EFNA5: variants seen among roughly 807,000 people sequenced by gnomAD.
The protein encoded by EFNA5 is ephrin A5, also known as ephrin-A5.
Under a neutral mutation model 22.9 loss-of-function variants are expected in EFNA5, and 5 were observed. The ratio of observed to expected loss-of-function variants is 0.22; its 90% CI spans 0.11 to 0.46. The LOEUF (loss-of-function observed/expected upper bound fraction) is 0.46, where lower values mean the gene tolerates loss of function less well. Ranked by LOEUF, EFNA5 falls within the 20% of genes least tolerant of loss-of-function variation. EFNA5 has a pLI of 0.99. For missense variants in EFNA5, 237 were observed against 293.3 expected, an observed-to-expected ratio of 0.81 and a Z score of 1.40; for synonymous variants, 113 against 112.2, an observed-to-expected ratio of 1.01 and a Z score of -0.04.
chr5:107,502,134 C>G (rs144906088), intron 1 of EFNA5, among the ~76,000 whole-genome samples: 1 of 152,190 alleles, frequency 6.6e-6, no homozygotes, highest in Admixed American at 6.5e-5. Flanking sequence ...GAAACCAATC[C>G]TCTCAGTTCA....
At chr5:107,405,948 A>G (rs987758134) in intron 2 of EFNA5, among the ~76,000 whole-genome samples, 1 of 139,210 alleles carries the variant, frequency 7.2e-6, no homozygotes, top group African/African-American at 2.7e-5. Flanking sequence ...TACATATTCT[A>G]TGTATTTATA....
At chr5:107,599,996 G>T (rs1028789845) in intron 1 of EFNA5, among the ~76,000 whole-genome samples, 1 of 152,224 alleles carries the variant, frequency 6.6e-6, no homozygotes, top group East Asian at 1.9e-4. Flanking sequence ...CAGTAAAAAG[G>T]AATGTGAAGT....
chr5:107,410,419 G>A (rs1448674209), intron 2 of EFNA5, among the ~76,000 whole-genome samples: 4 of 152,066 alleles, frequency 2.6e-5, no homozygotes, highest in Non-Finnish European at 1.5e-5. Flanking sequence ...CAGATAGAAA[G>A]GACTAGATGA....
At chr5:107,448,078 G>A (rs1363881383) in intron 1 of EFNA5, among the ~76,000 whole-genome samples, 1 of 152,182 alleles carries the variant, frequency 6.6e-6, no homozygotes, top group Non-Finnish European at 1.5e-5. Flanking sequence ...TTATAGGCAT[G>A]AGCCACTGCG....
chr5:107,465,302 G>A (rs147426617), intron 1 of EFNA5, among the ~76,000 whole-genome samples: 23 of 152,248 alleles, frequency 1.5e-4, no homozygotes, highest in African/African-American at 5.3e-4. Context: ...GATAATGGGT[G>A]ACGGTTACCT....
intron 1 of EFNA5, among the ~76,000 whole-genome samples, chr5:107,484,468 C>T (rs1426845505): frequency 2.6e-5 from 4 of 152,250 alleles, no homozygotes; most frequent in African/African-American, 4.8e-5. Context: ...TTGCAACAGA[C>T]GTTTTGCATG....
chr5:107,606,582 C>CACACAG lies in EFNA5; in HGVS notation c.125+63906_125+63907insCTGTGT, dbSNP rs1554069066. 1.7e-3 allele frequency among the ~76,000 whole-genome samples: 245 copies of CACACAG among 143,604 alleles called. 1 individual carries two copies. Among genetic ancestry groups the CACACAG allele is most frequent in the African/African-American group, 6.1e-3 (239 of 39,252 alleles). 94.2% of individuals were successfully genotyped at this position (143,604 alleles called of 152,430 possible). On this transcript the variant is annotated intron_variant, in intron 1 of 4. Coordinates refer to ENST00000333274, the MANE Select transcript of EFNA5 (RefSeq NM_001962.3). ...ACACACACACACACACACACACACA[C>CACACAG]AGAGCTAGTAATGCGGTATAGCAGA...
At chr5:107,582,893 A>G (rs1158513622) in intron 1 of EFNA5, among the ~76,000 whole-genome samples, 1 of 152,192 alleles carries the variant, frequency 6.6e-6, no homozygotes, top group Non-Finnish European at 1.5e-5. Flanking sequence ...AGCTTTTCAC[A>G]GAAACAGCTG....
intron 1 of EFNA5, among the ~76,000 whole-genome samples, chr5:107,537,361 C>T (rs1055255650): frequency 6.6e-6 from 1 of 151,076 alleles, no homozygotes; most frequent in Non-Finnish European, 1.5e-5. Context: ...GGTGTGGTGG[C>T]AGGTCAAGGT....
intron 1 of EFNA5, among the ~76,000 whole-genome samples, chr5:107,521,477 T>TA (rs1491511875): frequency 2.8e-3 from 258 of 92,700 alleles, no homozygotes; most frequent in African/African-American, 9.5e-3. Flanking sequence ...TATATATATA[T>TA]TTTTTTTTTT....
At chr5:107,564,635 T>TG (rs143520829) in intron 1 of EFNA5, among the ~76,000 whole-genome samples, 26,374 of 146,048 alleles carry the variant, frequency 0.18, 2,568 homozygotes, top group African/African-American at 0.23. Flanking sequence ...GTTTTTGTTT[T>TG]TTTTTTTTTT....
intron 2 of EFNA5, among the ~76,000 whole-genome samples, chr5:107,399,736 G>A (rs930853838): frequency 6.6e-6 from 1 of 152,142 alleles, no homozygotes; most frequent in African/African-American, 2.4e-5. Flanking sequence ...TGTGCTGAGG[G>A]ATACAACTAT....
intron 1 of EFNA5, among the ~76,000 whole-genome samples, chr5:107,650,622 T>C (rs945881512): frequency 4.6e-5 from 7 of 152,222 alleles, no homozygotes; most frequent in Non-Finnish European, 1.0e-4. Context: ...AAAGGTATAT[T>C]GTTATTATGT....
intron 1 of EFNA5, among the ~76,000 whole-genome samples, chr5:107,487,416 G>A (rs903342875): frequency 1.3e-5 from 2 of 152,188 alleles, no homozygotes; most frequent in Non-Finnish European, 2.9e-5. Flanking sequence ...ATTCACTTTT[G>A]TTTCCCCCAG....
chr5:107,558,540 C>T (rs1266862756), intron 1 of EFNA5, among the ~76,000 whole-genome samples: 1 of 152,134 alleles, frequency 6.6e-6, no homozygotes, highest in Non-Finnish European at 1.5e-5. Context: ...ATTATACTTT[C>T]TCTGCTATTT....
intron 1 of EFNA5, among the ~76,000 whole-genome samples, chr5:107,615,360 T>C (rs1427405814): frequency 2.6e-5 from 4 of 152,096 alleles, no homozygotes; most frequent in Non-Finnish European, 5.9e-5. Flanking sequence ...ATCATGAGGA[T>C]GCAAGAGAAT....
intron 1 of EFNA5, among the ~76,000 whole-genome samples, chr5:107,642,194 G>T (rs1750539544): frequency 6.6e-6 from 1 of 152,174 alleles, no homozygotes; most frequent in South Asian, 2.1e-4. Context: ...GGACTGTAGG[G>T]ATTGGAGAGA....
chr5:107,401,112 TTC>T (rs1367237204), intron 2 of EFNA5, among the ~76,000 whole-genome samples: 1 of 152,242 alleles, frequency 6.6e-6, no homozygotes, highest in Non-Finnish European at 1.5e-5. Flanking sequence ...AACATTTTGT[TTC>T]TATTTCTTAA....
intron 1 of EFNA5, among the ~76,000 whole-genome samples, chr5:107,468,284 C>G (rs27625): frequency 0.15 from 23,312 of 152,190 alleles, 2,050 homozygotes; most frequent in African/African-American, 0.23. Flanking sequence ...TGTCAAAATG[C>G]ACATATTTTC....
Sources: allele counts gnomAD v4.1 joint callset (sites outside exome capture counted in the v4.1 genomes callset), GRCh38; gene constraint gnomAD v4.1.1; transcripts MANE v1.5; gene names NCBI Gene and HGNC (gene_info 2026-07-23, HGNC 2026-07-21).